Variants in UBE2D3 observed in about 807,000 individuals in gnomAD.
UBE2D3 encodes the protein ubiquitin conjugating enzyme E2 D3.
Under a neutral mutation model 22.8 loss-of-function variants are expected in UBE2D3, and 2 were observed. The observed-to-expected ratio is 0.09, with a 90% CI of 0.04 to 0.28. UBE2D3 has a LOEUF of 0.28. UBE2D3 is among the 10% of genes least tolerant of loss of function. The probability of loss-of-function intolerance (pLI) is 1.00; values close to 1 mark genes in which losing one functional copy is unlikely to be tolerated. For missense variants in UBE2D3, 27 were observed against 182.5 expected, an observed-to-expected ratio of 0.15 and a Z score of 4.91; for synonymous variants, 56 against 60.4, an observed-to-expected ratio of 0.93 and a Z score of 0.34.
At chr4:102,829,958 G>A (rs902650516), upstream of UBE2D3, among the ~76,000 whole-genome samples, 1 of 152,102 alleles carries the variant, frequency 6.6e-6, no homozygotes, top group Non-Finnish European at 1.5e-5. Flanking sequence ...TAATATATAT[G>A]GAGTTCTAGA....
At chr4:102,849,141 G>A (rs1015364384) in intron 1 of UBE2D3, among the ~76,000 whole-genome samples, 1 of 152,036 alleles carries the variant, frequency 6.6e-6, no homozygotes, top group African/African-American at 2.4e-5. Flanking sequence ...GCTGAGGCAA[G>A]AGGATGGCTT....
chr4:102,827,385 C>G, intron 1 of UBE2D3, 42 bp downstream of exon 1: 9 of 986,164 alleles, frequency 9.1e-6, no homozygotes, highest in Non-Finnish European at 1.1e-5. Context: ...GCCACTGGGC[C>G]GGCCTCCCTT....
chr4:102,860,160 T>G (rs964685172), intron 1 of UBE2D3, among the ~76,000 whole-genome samples: 6 of 152,094 alleles, frequency 3.9e-5, no homozygotes, highest in Non-Finnish European at 8.8e-5. Context: ...ATTTGATTGT[T>G]TAGTGGTTTC....
rs1727514100 is a variant in UBE2D3, at chr4:102,808,960, GAC to G, written c.120+710_120+711del. 2.6e-5 allele frequency: 4 copies of G among 155,292 alleles called. No individual in the cohort carries two copies. In the South Asian group the frequency reaches 6.7e-4, roughly 26 times the overall value. 9.6% of individuals were successfully genotyped at this position (155,292 alleles called of 1,614,324 possible). A position where few individuals can be genotyped will look rare whatever the true frequency, so the allele number is the denominator to read the frequency against. ...GCTTATAAAACCACCAAAAAGGGAAGACAGTTTTCAGGAAGATACACATGTAA... is the reference window on the plus strand; with the variant it reads ...GCTTATAAAACCACCAAAAAGGGAAGAGTTTTCAGGAAGATACACATGTAA... On this transcript the variant is annotated intron_variant, in intron 4 of 7. Transcript: ENST00000453744.
At chr4:102,849,274 G>A (rs190020760) in intron 1 of UBE2D3, among the ~76,000 whole-genome samples, 1 of 150,298 alleles carries the variant, frequency 6.7e-6, no homozygotes, top group African/African-American at 2.5e-5. Flanking sequence ...TAAGGTAGGA[G>A]GATCGCCTGA....
At chr4:102,834,256 A>T (rs1731267967) in intron 1 of UBE2D3, among the ~76,000 whole-genome samples, 2 of 152,188 alleles carry the variant, frequency 1.3e-5, no homozygotes, top group South Asian at 4.1e-4. Context: ...CCTAAAACAG[A>T]TACACACTCT....
intron 2 of UBE2D3, among the ~76,000 whole-genome samples, chr4:102,818,237 A>C (rs755487258): frequency 1.3e-5 from 2 of 152,206 alleles, no homozygotes; most frequent in African/African-American, 2.4e-5. Flanking sequence ...TACAACACTA[A>C]GAAACTGTAC....
At chr4:102,821,029 T>C (rs1460204997) in intron 2 of UBE2D3, among the ~76,000 whole-genome samples, 1 of 152,182 alleles carries the variant, frequency 6.6e-6, no homozygotes, top group Non-Finnish European at 1.5e-5. Flanking sequence ...AACTTTTCCC[T>C]TCCCTACATA....
At chr4:102,821,955 C>G (rs113888801) in intron 2 of UBE2D3, among the ~76,000 whole-genome samples, 265 of 152,274 alleles carry the variant, frequency 1.7e-3, no homozygotes, top group African/African-American at 6.2e-3. Flanking sequence ...AGATTTTAAT[C>G]TGAAACATTT....
chr4:102,804,170 CAA>C (rs1402090446), intron 4 of UBE2D3, among the ~76,000 whole-genome samples: 2 of 151,920 alleles, frequency 1.3e-5, no homozygotes, highest in African/African-American at 2.4e-5. Context: ...GGGGGACAAA[CAA>C]GACGCAGAAT....
At chr4:102,825,934 A>C (rs1560873354) in intron 2 of UBE2D3, 2 of 363,390 alleles carry the variant, frequency 5.5e-6, no homozygotes, top group African/African-American at 4.3e-5. Flanking sequence ...TAACCTGCCC[A>C]GAGTCGACTA....
intron 1 of UBE2D3, chr4:102,826,985 G>A (rs1401294691): frequency 4.0e-6 from 4 of 997,486 alleles, no homozygotes; most frequent in Non-Finnish European, 4.8e-6. Context: ...AGAAAGGCAA[G>A]GGGGGAGGGG....
At chr4:102,808,360 A>T (rs1376347586) in intron 4 of UBE2D3, among the ~76,000 whole-genome samples, 1 of 152,168 alleles carries the variant, frequency 6.6e-6, no homozygotes, top group African/African-American at 2.4e-5. Context: ...ATTGCTACCA[A>T]ATTAGATAAA....
intron 2 of UBE2D3, among the ~76,000 whole-genome samples, chr4:102,822,131 T>C (rs1729719467): frequency 6.6e-6 from 1 of 152,230 alleles, no homozygotes; most frequent in Non-Finnish European, 1.5e-5. Flanking sequence ...ATCCCAGTGA[T>C]GGAGCATTCA....
At chr4:102,846,730 C>T (rs2110362586) in intron 1 of UBE2D3, among the ~76,000 whole-genome samples, 1 of 152,192 alleles carries the variant, frequency 6.6e-6, no homozygotes, top group South Asian at 2.1e-4. Context: ...ACTTTGAACT[C>T]CTGGGCTCAA....
At chr4:102,861,470 T>C (rs1197864957) in intron 1 of UBE2D3, among the ~76,000 whole-genome samples, 1 of 151,936 alleles carries the variant, frequency 6.6e-6, no homozygotes, top group Non-Finnish European at 1.5e-5. Context: ...ATATAAACAG[T>C]TAAATATATA....
At chr4:102,831,560 ATAT>A (rs575066877), upstream of UBE2D3, among the ~76,000 whole-genome samples, 12 of 152,122 alleles carry the variant, frequency 7.9e-5, no homozygotes, top group African/African-American at 2.4e-4. Flanking sequence ...GTATAATGGA[ATAT>A]TATTATTATT....
chr4:102,798,803 G>A, intron 7 of UBE2D3: 2 of 779,896 alleles, frequency 2.6e-6, no homozygotes, highest in East Asian at 2.7e-5. Flanking sequence ...GCAGTTAAAT[G>A]TACAGTTTTC....
chr4:102,824,670 T>C (rs562295430), intron 2 of UBE2D3, among the ~76,000 whole-genome samples: 1 of 152,264 alleles, frequency 6.6e-6, no homozygotes, highest in South Asian at 2.1e-4. Flanking sequence ...GTATGACCTG[T>C]AAGAGAAAAA....
Sources: allele counts gnomAD v4.1 joint callset (sites outside exome capture counted in the v4.1 genomes callset), GRCh38; gene constraint gnomAD v4.1.1; transcripts MANE v1.5; gene names NCBI Gene and HGNC (gene_info 2026-07-23, HGNC 2026-07-21).